Variants in SHISA9 observed in about 807,000 individuals in gnomAD.
SHISA9 encodes the protein shisa family member 9.
A neutral mutation model predicts 38.0 loss-of-function variants in SHISA9; 13 were observed. That is an observed-to-expected ratio of 0.34 (90% CI 0.22 to 0.54). The LOEUF (loss-of-function observed/expected upper bound fraction) is 0.54, where lower values mean the gene tolerates loss of function less well. SHISA9 is among the 20% of genes least tolerant of loss of function. The probability of loss-of-function intolerance (pLI) is 0.91; values close to 1 mark genes in which losing one functional copy is unlikely to be tolerated. For synonymous variants in SHISA9, 275 were observed against 242.0 expected, an observed-to-expected ratio of 1.14 and a Z score of -1.27; for missense variants, 538 against 575.8, an observed-to-expected ratio of 0.93 and a Z score of 0.67.
the SHISA9 span, among the ~76,000 whole-genome samples, chr16:13,506,155 A>G: frequency 6.6e-6 from 1 of 152,198 alleles, no homozygotes; most frequent in Non-Finnish European, 1.5e-5. Context: ...GCCTTAAGTA[A>G]CTATCAATCT....
intron 2 of SHISA9, among the ~76,000 whole-genome samples, chr16:13,012,327 G>C (rs968878178): frequency 5.3e-5 from 8 of 152,124 alleles, no homozygotes; most frequent in Non-Finnish European, 1.2e-4. Flanking sequence ...GAAGTGACCT[G>C]GGAGAGGAGA....
chr16:13,223,050 G>A (rs2142076354), intron 4 of SHISA9, among the ~76,000 whole-genome samples: 1 of 152,232 alleles, frequency 6.6e-6, no homozygotes, highest in East Asian at 1.9e-4. Context: ...TATAGGTGAA[G>A]CTTAGAGATT....
At chr16:12,953,021 A>G (rs1297021721) in intron 2 of SHISA9, among the ~76,000 whole-genome samples, 1 of 152,182 alleles carries the variant, frequency 6.6e-6, no homozygotes, top group Non-Finnish European at 1.5e-5. Context: ...ATGTAAATAA[A>G]TAGTAAAGTA....
At chr16:13,136,425 T>C (rs1478123391) in intron 2 of SHISA9, among the ~76,000 whole-genome samples, 1 of 126,576 alleles carries the variant, frequency 7.9e-6, no homozygotes, top group African/African-American at 3.3e-5. Flanking sequence ...TTTTTTGGAG[T>C]TTCGCTCTTG....
chr16:13,016,057 G>A (rs1281728578), intron 2 of SHISA9, among the ~76,000 whole-genome samples: 1 of 137,184 alleles, frequency 7.3e-6, no homozygotes, highest in Non-Finnish European at 1.5e-5. Flanking sequence ...GCATGATCTT[G>A]GCTCACTGCA....
At chr16:13,330,006 G>A in the SHISA9 span, among the ~76,000 whole-genome samples, 1 of 152,196 alleles carries the variant, frequency 6.6e-6, no homozygotes. Flanking sequence ...CTCCCCGACC[G>A]ATTGTGAGAT....
the SHISA9 span, among the ~76,000 whole-genome samples, chr16:13,260,077 C>T: frequency 3.6e-4 from 42 of 115,882 alleles, no homozygotes; most frequent in African/African-American, 1.1e-3. Context: ...AGTGCAGTGG[C>T]GTGATCTCGG....
intron 2 of SHISA9, among the ~76,000 whole-genome samples, chr16:13,132,021 C>T (rs2050310738): frequency 6.6e-6 from 1 of 152,174 alleles, no homozygotes; most frequent in Non-Finnish European, 1.5e-5. Context: ...AGTGCAAACT[C>T]CTTGCTTTGC....
intron 2 of SHISA9, among the ~76,000 whole-genome samples, chr16:13,127,608 C>T (rs1463532373): frequency 6.6e-6 from 1 of 152,022 alleles, no homozygotes; most frequent in Non-Finnish European, 1.5e-5. Context: ...CAGGTCAGCT[C>T]CTGCAGAGTT....
the SHISA9 span, among the ~76,000 whole-genome samples, chr16:13,352,604 G>C: frequency 1.3e-5 from 2 of 151,662 alleles, no homozygotes; most frequent in African/African-American, 2.4e-5. Context: ...CGTGTGAAGA[G>C]ACCACCAAAC....
intron 2 of SHISA9, among the ~76,000 whole-genome samples, chr16:12,933,010 A>G (rs1222640222): frequency 6.6e-6 from 1 of 152,136 alleles, no homozygotes; most frequent in African/African-American, 2.4e-5. Flanking sequence ...AAATGAGGGG[A>G]GGTAAATATA....
At chr16:13,354,555 C>A in the SHISA9 span, among the ~76,000 whole-genome samples, 116,131 of 147,898 alleles carry the variant, frequency 0.79, 45,974 homozygotes, top group East Asian at 0.96. Flanking sequence ...GGTATGAGAA[C>A]GAAAATAGAT....
At chr16:13,471,558 C>T in the SHISA9 span, among the ~76,000 whole-genome samples, 2 of 152,154 alleles carry the variant, frequency 1.3e-5, no homozygotes, top group African/African-American at 4.8e-5. Context: ...TCCCTCTTTG[C>T]TTCCCCTGCA....
At chr16:13,086,041 A>T (rs1290411258) in intron 2 of SHISA9, among the ~76,000 whole-genome samples, 1 of 152,214 alleles carries the variant, frequency 6.6e-6, no homozygotes, top group African/African-American at 2.4e-5. Context: ...TTTTAAAGCT[A>T]ACTAAAATTT....
intron 2 of SHISA9, among the ~76,000 whole-genome samples, chr16:13,162,435 G>A (rs1033123785): frequency 1.6e-4 from 24 of 152,186 alleles, no homozygotes; most frequent in Non-Finnish European, 1.9e-4. Context: ...AGTTTGAGGC[G>A]TAGGGATGTT....
chr16:13,454,689 C>G, the SHISA9 span, among the ~76,000 whole-genome samples: 1 of 152,124 alleles, frequency 6.6e-6, no homozygotes, highest in Non-Finnish European at 1.5e-5. Flanking sequence ...GACTGTCCCC[C>G]GAAGCCCATT....
intron 2 of SHISA9, among the ~76,000 whole-genome samples, chr16:13,153,962 T>A (rs1190695272): frequency 1.1e-4 from 2 of 17,630 alleles, no homozygotes; most frequent in Non-Finnish European, 2.1e-4. Context: ...GGGATGGGAG[T>A]GGGGGTGGGG....
At chr16:13,150,482 C>CA (rs1189082580) in intron 2 of SHISA9, among the ~76,000 whole-genome samples, 2 of 152,062 alleles carry the variant, frequency 1.3e-5, no homozygotes, top group Non-Finnish European at 2.9e-5. Flanking sequence ...AGAGACACAG[C>CA]AAGTAGCTAA....
the SHISA9 span, among the ~76,000 whole-genome samples, chr16:13,414,646 C>CTTTTTTT: frequency 1.1e-3 from 157 of 136,550 alleles, 11 homozygotes; most frequent in African/African-American, 1.3e-3. Flanking sequence ...TTCTTTCTTT[C>CTTTTTTT]TTTCTTTTTT....
Sources: gnomAD v4.1 joint callset for allele counts (sites outside exome capture counted in the v4.1 genomes callset) on GRCh38, gnomAD v4.1.1 for gene constraint, MANE v1.5 for transcripts, NCBI Gene and HGNC (gene_info 2026-07-23, HGNC 2026-07-21) for gene names.